Variants in DIP2C observed in about 807,000 individuals in gnomAD.
DIP2C encodes DIP2 acetate--CoA ligase C (putative), also known as disco-interacting protein 2 homolog C.
Under a neutral mutation model 192.4 loss-of-function variants are expected in DIP2C, and 33 were observed. The observed-to-expected ratio is 0.17, with a 90% confidence interval of 0.13 to 0.23. The LOEUF (loss-of-function observed/expected upper bound fraction) is 0.23. DIP2C is among the 10% of genes least tolerant of loss of function. The pLI is 1.00. For synonymous variants in DIP2C, 979 were observed against 864.1 expected (o/e 1.13, Z -2.33); for missense variants, 1,537 against 2,110.1 (o/e 0.73, Z 5.32).
intron 1 of DIP2C, among the ~76,000 whole-genome samples, chr10:536,107 G>T (rs1231717473): frequency 6.6e-6 from 1 of 152,188 alleles, no homozygotes. Flanking sequence ...CACAATCAAG[G>T]TGTGGGCAGG....
intron 1 of DIP2C, among the ~76,000 whole-genome samples, chr10:644,490 C>T (rs569677439): frequency 2.6e-5 from 4 of 152,284 alleles, no homozygotes; most frequent in Non-Finnish European, 4.4e-5. Context: ...CCTGGGAGCG[C>T]GGCTTCTTGC....
chr10:565,047 C>T (rs999615836), intron 1 of DIP2C, among the ~76,000 whole-genome samples: 4 of 152,134 alleles, frequency 2.6e-5, no homozygotes, highest in Non-Finnish European at 5.9e-5. Context: ...ATTTCCCTTC[C>T]TCTATTCAAT....
At chr10:415,686 A>G in intron 7 of DIP2C, 83 bp downstream of exon 7, 1 of 1,561,292 alleles carries the variant, frequency 6.4e-7, no homozygotes, top group Non-Finnish European at 8.7e-7. Flanking sequence ...TTAAAAAGTA[A>G]AATAGCCTTG....
intron 3 of DIP2C, among the ~76,000 whole-genome samples, chr10:442,632 C>G (rs1286093874): frequency 2.0e-5 from 3 of 152,194 alleles, no homozygotes; most frequent in Non-Finnish European, 4.4e-5. Context: ...CTGCTCCTAT[C>G]TTACACCACT....
chr10:394,162 C>T (rs10795077), intron 10 of DIP2C, among the ~76,000 whole-genome samples: 92,675 of 152,178 alleles, frequency 0.61, 28,283 homozygotes, highest in East Asian at 0.77. Context: ...AAATCAACCA[C>T]AGTGCCCAAA....
intron 24 of DIP2C, 137 bp downstream of exon 24, chr10:356,288 AG>A (rs1182287894): frequency 1.0e-6 from 1 of 975,334 alleles, no homozygotes; most frequent in East Asian, 2.5e-5. Flanking sequence ...CAAAAGTCTC[AG>A]TCAAAATAGC....
At chr10:423,460 G>T (rs1966347760) in intron 4 of DIP2C, among the ~76,000 whole-genome samples, 2 of 152,232 alleles carry the variant, frequency 1.3e-5, no homozygotes, top group African/African-American at 4.8e-5. Flanking sequence ...AGATGTTCTT[G>T]TGGGCTCTGA....
Position 393,134 on chromosome 10 carries a change from A to T in DIP2C, c.1261-2271T>A, listed in dbSNP as rs574404351. Among the ~76,000 whole-genome samples the T allele has an allele frequency of 4.6e-5, 7 of 152,330 alleles. No individual in the cohort carries two copies. The South Asian group carries it at 8.3e-4, about 18-fold the overall frequency. ...GCTGGATCTGAGGCCAACTCCGGGAAACAGGTGCTACATCTCAGGAAAGTG... is the reference window on the plus strand; with the variant it reads ...GCTGGATCTGAGGCCAACTCCGGGATACAGGTGCTACATCTCAGGAAAGTG... On this transcript the variant is annotated intron_variant, in intron 10 of 36. Coordinates refer to ENST00000280886, the MANE Select transcript of DIP2C (RefSeq NM_014974.3).
In DIP2C at chr10:364,643, C is replaced by T. The variant is rs111740385; in HGVS notation, c.2269-61G>A. The T allele has an allele frequency of 1.4e-3, 2,108 of 1,557,876 alleles. 4 individuals are homozygous for T. Among genetic ancestry groups the T allele is most frequent in the Middle Eastern group, 7.6e-3 (45 of 5,884 alleles). On this transcript the variant is annotated intron_variant, in intron 19 of 36. Transcript: ENST00000280886. ...GTGGTCAGCTGGTTTTAATCCTCGC[C>T]GCTACTCCTGGGAGCACGGCACCTG...
At chr10:399,700 T>A (rs919132232) in intron 9 of DIP2C, among the ~76,000 whole-genome samples, 1 of 152,194 alleles carries the variant, frequency 6.6e-6, no homozygotes, top group African/African-American at 2.4e-5. Context: ...ATGATAGAGC[T>A]GATGTCTTAA....
intron 2 of DIP2C, among the ~76,000 whole-genome samples, chr10:480,873 C>T (rs567275609): frequency 6.6e-6 from 1 of 152,200 alleles, no homozygotes; most frequent in African/African-American, 2.4e-5. Context: ...TACAGCAACG[C>T]GGTCTAGAAA....
intron 1 of DIP2C, among the ~76,000 whole-genome samples, chr10:541,066 CCGA>C (rs1847958606): frequency 1.5e-5 from 2 of 130,708 alleles, no homozygotes; most frequent in Admixed American, 7.3e-5. Context: ...GCCACAACAC[CCGA>C]TGCTGGGGAG....
In DIP2C at chr10:589,341, G is replaced by T. The variant is rs369579216; in HGVS notation, c.85+100153C>A. ...ATATTAAAAGTTTAATTTTGATGAA[G>T]TCTTGTCTCCTTGTTTTCTTCCCTA... On this transcript the variant is annotated intron_variant, in intron 1 of 36. Coordinates refer to ENST00000280886, the MANE Select transcript of DIP2C (RefSeq NM_014974.3). 1.8e-4 allele frequency among the ~76,000 whole-genome samples: 28 copies of T among 152,244 alleles called. 2 individuals carry two copies. Among genetic ancestry groups the T allele is most frequent in the East Asian group, 1.5e-3 (8 of 5,180 alleles).
chr10:511,109 G>A (rs1409734625), intron 1 of DIP2C, among the ~76,000 whole-genome samples: 5 of 152,182 alleles, frequency 3.3e-5, no homozygotes, highest in South Asian at 2.1e-4. Flanking sequence ...TTCTGAAGTC[G>A]GTGTTTCTGG....
chr10:531,215 A>G (rs1847351200), intron 1 of DIP2C, among the ~76,000 whole-genome samples: 1 of 152,180 alleles, frequency 6.6e-6, no homozygotes, highest in Non-Finnish European at 1.5e-5. Context: ...CTTTCCCCGT[A>G]AACATTCAGA....
At chr10:396,941 C>T (rs1162036169) in intron 10 of DIP2C, among the ~76,000 whole-genome samples, 2 of 152,124 alleles carry the variant, frequency 1.3e-5, no homozygotes, top group Non-Finnish European at 2.9e-5. Context: ...GGAGGCCAAG[C>T]ATGAACCTCC....
intron 24 of DIP2C, among the ~76,000 whole-genome samples, chr10:351,131 A>G (rs1331044995): frequency 6.6e-6 from 1 of 152,148 alleles, no homozygotes; most frequent in African/African-American, 2.4e-5. Flanking sequence ...AGGCGCAGGG[A>G]GAGAGGCCCA....
chr10:593,089 G>A (rs1293314962), intron 1 of DIP2C, among the ~76,000 whole-genome samples: 2 of 152,124 alleles, frequency 1.3e-5, no homozygotes, highest in Non-Finnish European at 1.5e-5. Flanking sequence ...CGGGAACGGT[G>A]GCTCATGCCT....
intron 1 of DIP2C, among the ~76,000 whole-genome samples, chr10:683,906 C>T (rs1831222260): frequency 2.6e-5 from 4 of 152,210 alleles, no homozygotes; most frequent in Admixed American, 2.6e-4. Context: ...AGAATCCAAC[C>T]GCTTGTAGCC....
Sources: allele counts gnomAD v4.1 joint callset (sites outside exome capture counted in the v4.1 genomes callset), GRCh38; gene constraint gnomAD v4.1.1; transcripts MANE v1.5; gene names NCBI Gene and HGNC (gene_info 2026-07-23, HGNC 2026-07-21).